The following CAPN13 variants were observed in gnomAD, a reference collection of about 807,000 sequenced individuals.
CAPN13 encodes the protein calpain 13.
A neutral mutation model predicts 98.4 loss-of-function variants in CAPN13; 90 were observed. The ratio of observed to expected loss-of-function variants is 0.92; its 90% CI spans 0.77 to 1.09. CAPN13 has a LOEUF of 1.09. CAPN13 is among the 50% of genes least tolerant of loss of function. The pLI, the probability that CAPN13 is intolerant of heterozygous loss-of-function variation, is 0.00. For synonymous variants in CAPN13, 330 were observed against 305.5 expected (o/e 1.08, Z -0.84); for missense variants, 887 against 841.3 (o/e 1.05, Z -0.67).
chr2:30,800,117 AAAGAAAGAAAG>A (rs1675130694), intron 1 of CAPN13, among the ~76,000 whole-genome samples: 1 of 11,432 alleles, frequency 8.7e-5, no homozygotes, highest in South Asian at 2.8e-3. Context: ...AAAAGAAAGA[AAAGAAAGAAAG>A]AAAGAAAGAA....
chr2:30,764,262 T>C lies in CAPN13; in HGVS notation c.569A>G (p.Asp190Gly). Reference protein sequence around the residue: ...YSDLHYGFLEDALVDLTGGVI... With the variant: ...YSDLHYGFLEGALVDLTGGVI... ...GCCTCCTGTGAGGTCCACCAGGGCA[T>C]CCTCGAGGAAGCCATAGTGCAGATC... The change falls in exon 6 of 23, where the codon GAT (aspartate) becomes GGT (glycine). Residue 190 changes from aspartate to glycine, a missense_variant. Physicochemically the swap from Asp to Gly is moderately conservative, Grantham distance 94. Coordinates refer to ENST00000295055, the MANE Select transcript of CAPN13 (RefSeq NM_144575.3). 9.3e-6 allele frequency: 15 copies of C among 1,613,772 alleles called. No individual in the cohort carries two copies. The highest frequency in any genetic ancestry group is 1.1e-5 in the Non-Finnish European group (13 of 1,179,858).
chr2:30,795,934 T>C (rs1674834011), intron 1 of CAPN13, among the ~76,000 whole-genome samples: 1 of 151,820 alleles, frequency 6.6e-6, no homozygotes. Flanking sequence ...TATAGCTCTA[T>C]AATAATATTT....
chr2:30,730,818 C>G, intron 21 of CAPN13, 32 bp from the exon 22 acceptor site: 1 of 780,800 alleles, frequency 1.3e-6, no homozygotes, highest in South Asian at 1.3e-5. Flanking sequence ...TACAACAATT[C>G]TTTACACTTG....
Position 30,764,779 on chromosome 2 carries a change from G to A in CAPN13, c.525-473C>T, listed in dbSNP as rs13431329. Among the ~76,000 whole-genome samples the A allele has an allele frequency of 7.5e-3, 1,137 of 152,214 alleles. 16 individuals carry two copies. The highest frequency in any genetic ancestry group is 0.025 in the African/African-American group (1,033 of 41,522). On this transcript the variant is annotated intron_variant, in intron 5 of 22. Coordinates refer to ENST00000295055, the MANE Select transcript of CAPN13 (RefSeq NM_144575.3). ...GCAGTGTGAAGTACTGACTGTGGGC[G>A]AGGGACTATGAGAGGCATATGTTTA...
intron 15 of CAPN13, among the ~76,000 whole-genome samples, chr2:30,740,584 C>A (rs112307817): frequency 5.9e-4 from 90 of 152,336 alleles, no homozygotes; most frequent in African/African-American, 2.0e-3. Context: ...TGAAAGGGGG[C>A]TGGAATCCAG....
intron 2 of CAPN13, 71 bp downstream of exon 2, chr2:30,787,057 T>C (rs1310753956): frequency 2.4e-6 from 3 of 1,259,124 alleles, no homozygotes; most frequent in Non-Finnish European, 3.3e-6. Flanking sequence ...CACCTCCTTT[T>C]GGCTGGAGGT....
chr2:30,775,018 A>G (rs1265689194), intron 4 of CAPN13, among the ~76,000 whole-genome samples: 11 of 152,318 alleles, frequency 7.2e-5, no homozygotes, highest in African/African-American at 2.4e-4. Flanking sequence ...CTAATGTGAC[A>G]AAGCAAGAGA....
chr2:30,726,891 T>A (rs1052232512), intron 22 of CAPN13, among the ~76,000 whole-genome samples: 10 of 152,152 alleles, frequency 6.6e-5, no homozygotes, highest in Non-Finnish European at 1.3e-4. Context: ...AGAGCCAAAA[T>A]AGTCTTGAAA....
intron 1 of CAPN13, among the ~76,000 whole-genome samples, chr2:30,805,507 C>T (rs1675560395): frequency 2.0e-5 from 3 of 152,260 alleles, no homozygotes; most frequent in Admixed American, 1.3e-4. Context: ...ACAATAATGA[C>T]TAAAATATCT....
intron 1 of CAPN13, among the ~76,000 whole-genome samples, chr2:30,802,929 G>A (rs1159133936): frequency 1.3e-5 from 2 of 152,194 alleles, no homozygotes; most frequent in Non-Finnish European, 1.5e-5. Flanking sequence ...AAGGCTTGAG[G>A]ACAGGTCTGA....
At chr2:30,784,254 C>T (rs1409816798) in intron 2 of CAPN13, among the ~76,000 whole-genome samples, 1 of 152,056 alleles carries the variant, frequency 6.6e-6, no homozygotes, top group Admixed American at 6.6e-5. Flanking sequence ...TCTTTCAGCC[C>T]CTGACCCACA....
At position 30,743,577 on chromosome 2, in the gene CAPN13, C is replaced by A. The variant is rs1444704145; in HGVS notation, c.1251G>T (p.Arg417=). ...DFQVILAGSQ[R]FREKFPPVFF... Reference sequence around the variant, plus strand: ...ACACGGGTGGAAATTTCTCCCGGAACCGCTGGAATTAGAGGAAACACAATG... The same window carrying A: ...ACACGGGTGGAAATTTCTCCCGGAAACGCTGGAATTAGAGGAAACACAATG... Residue 417 remains arginine (R), a splice_region_variant and synonymous_variant, in exon 13 of 23, where the codon CGG becomes CGT. Transcript: ENST00000295055. 1 of 1,613,878 alleles carries A rather than the reference C, an allele frequency of 6.2e-7. No individual in the cohort carries two copies. The highest frequency in any genetic ancestry group is 2.2e-5 in the East Asian group (1 of 44,874).
chr2:30,795,536 T>C (rs1400132807), intron 1 of CAPN13, among the ~76,000 whole-genome samples: 6 of 152,230 alleles, frequency 3.9e-5, no homozygotes, highest in African/African-American at 1.2e-4. Flanking sequence ...AATATGTTTA[T>C]TCTCCATTCA....
intron 17 of CAPN13, chr2:30,738,011 G>C: frequency 1.8e-6 from 1 of 548,378 alleles, no homozygotes. Flanking sequence ...ACACACCCCA[G>C]TACACTGATC....
At chr2:30,763,873 C>T (rs1672969724) in intron 6 of CAPN13, among the ~76,000 whole-genome samples, 1 of 152,240 alleles carries the variant, frequency 6.6e-6, no homozygotes, top group Non-Finnish European at 1.5e-5. Flanking sequence ...CTTGTCGAGC[C>T]ACTTATGAGC....
chr2:30,765,527 G>A (rs1281192150), intron 5 of CAPN13, among the ~76,000 whole-genome samples: 1 of 152,168 alleles, frequency 6.6e-6, no homozygotes, highest in Non-Finnish European at 1.5e-5. Flanking sequence ...CTATCCTGCT[G>A]CTCCCTCCAA....
In CAPN13 at chr2:30,734,443, TTGTACC is replaced by T; in HGVS notation, c.1798_1798+5del. 11 of 1,612,530 alleles carry T rather than the reference TTGTACC, an allele frequency of 6.8e-6. No homozygotes were observed. Among genetic ancestry groups the T allele is most frequent in the Non-Finnish European group, 8.5e-6 (10 of 1,178,782 alleles). Reference sequence around the variant, plus strand: ...GGGCACCACAGCTCCAAAGTCCCCATTGTACCTGTATTCTCTATGGCCTTCCACAAG... The same window carrying T: ...GGGCACCACAGCTCCAAAGTCCCCATTGTATTCTCTATGGCCTTCCACAAG... On this transcript the variant is annotated splice_donor_variant and splice_donor_5th_base_variant and coding_sequence_variant and intron_variant, in exon 19 of 23. Coordinates refer to ENST00000295055, the MANE Select transcript of CAPN13 (RefSeq NM_144575.3). LOFTEE classifies it high-confidence loss of function.
intron 10 of CAPN13, 107 bp from the exon 11 acceptor site, chr2:30,751,358 A>T (rs1672168537): frequency 8.2e-7 from 1 of 1,217,076 alleles, no homozygotes; most frequent in South Asian, 1.6e-5. Flanking sequence ...TGAACTCTGG[A>T]TTGGAGACCT....
chr2:30,794,189 AC>A (rs1160215616), intron 1 of CAPN13, among the ~76,000 whole-genome samples: 1 of 151,722 alleles, frequency 6.6e-6, no homozygotes, highest in Admixed American at 6.6e-5. Context: ...CATATAAAGA[AC>A]TCTTACAAAT....
Sources: allele counts gnomAD v4.1 joint callset (sites outside exome capture counted in the v4.1 genomes callset), GRCh38; gene constraint gnomAD v4.1.1; transcripts MANE v1.5; gene names NCBI Gene and HGNC (gene_info 2026-07-23, HGNC 2026-07-21).